The following NEK9 variants were observed in gnomAD, a reference collection of about 807,000 sequenced individuals.
NEK9 encodes NIMA related kinase 9, also known as serine/threonine-protein kinase Nek9.
NEK9 carries 75 observed loss-of-function variants against 123.4 expected under a neutral mutation model. The observed-to-expected ratio is 0.61, with a 90% confidence interval of 0.50 to 0.74. NEK9 has a LOEUF of 0.74. Ranked by LOEUF, NEK9 falls within the 30% of genes least tolerant of loss-of-function variation. The pLI, the probability that NEK9 is intolerant of heterozygous loss-of-function variation, is 0.00. For synonymous variants in NEK9, 438 were observed against 458.7 expected, an observed-to-expected ratio of 0.95 and a Z score of 0.58; for missense variants, 952 against 1,214.4, an observed-to-expected ratio of 0.78 and a Z score of 3.21.
intron 6 of NEK9, among the ~76,000 whole-genome samples, chr14:75,115,557 A>G (rs1895113617): frequency 6.6e-6 from 1 of 152,254 alleles, no homozygotes; most frequent in Non-Finnish European, 1.5e-5. Context: ...TGCATTTTTC[A>G]TATACATTAT....
At chr14:75,093,945 T>C (rs755438569) in intron 18 of NEK9, among the ~76,000 whole-genome samples, 22 of 152,170 alleles carry the variant, frequency 1.4e-4, no homozygotes, top group Non-Finnish European at 1.9e-4. Flanking sequence ...GTAGATAAAA[T>C]TGATAAATAA....
chr14:75,095,634 C>T (rs1894357481), intron 17 of NEK9, among the ~76,000 whole-genome samples: 1 of 152,202 alleles, frequency 6.6e-6, no homozygotes, highest in Non-Finnish European at 1.5e-5. Flanking sequence ...CAACTGTCTG[C>T]CTTGGCTGGT....
intron 10 of NEK9, among the ~76,000 whole-genome samples, chr14:75,109,288 T>C (rs1894882700): frequency 6.6e-6 from 1 of 152,214 alleles, no homozygotes; most frequent in Admixed American, 6.5e-5. Context: ...TTCAGGGGTT[T>C]CCTGACATGG....
intron 1 of NEK9, 45 bp downstream of exon 1, chr14:75,126,658 G>A (rs1472223726): frequency 7.4e-7 from 1 of 1,355,686 alleles, no homozygotes; most frequent in Non-Finnish European, 9.6e-7. Flanking sequence ...GACTCGGGGC[G>A]ACCCGACAGC....
chr14:75,126,980 T>C lies in NEK9; in HGVS notation c.-59A>G. ...GTATGCCCGGAGGCCCTGGCCGCGC[T>C]GCGTCCCGCTCGCTTCAGATGCCGG... On this transcript the variant is annotated 5_prime_UTR_variant, in exon 1 of 22. Coordinates refer to ENST00000238616, the MANE Select transcript of NEK9 (RefSeq NM_033116.6). The C allele has an allele frequency of 7.5e-7, 1 of 1,341,166 alleles. No homozygotes were observed. The highest frequency in any genetic ancestry group is 9.8e-7 in the Non-Finnish European group (1 of 1,023,214). The allele number at this position is 1,341,166 out of a possible 1,614,324, so 83.1% of individuals were successfully genotyped here. A position where few individuals can be genotyped will look rare whatever the true frequency, so the allele number is the denominator to read the frequency against.
chr14:75,114,700 T>C (rs956367489), intron 6 of NEK9, among the ~76,000 whole-genome samples: 11 of 152,172 alleles, frequency 7.2e-5, no homozygotes, highest in African/African-American at 2.4e-4. Flanking sequence ...GGCAATACTC[T>C]GCTGCAACAG....
At chr14:75,111,816 G>A (rs1388911386) in intron 8 of NEK9, among the ~76,000 whole-genome samples, 1 of 152,130 alleles carries the variant, frequency 6.6e-6, no homozygotes, top group Non-Finnish European at 1.5e-5. Context: ...GCTTAAACCT[G>A]GCAGGTGGAG....
chr14:75,090,492 T>C (rs186526814), intron 19 of NEK9, among the ~76,000 whole-genome samples: 152 of 152,228 alleles, frequency 1.0e-3, no homozygotes, highest in African/African-American at 3.3e-3. Context: ...ATCATACAGA[T>C]ATATCATCCT....
intron 15 of NEK9, 27 bp from the exon 16 acceptor site, chr14:75,101,180 A>C: frequency 6.2e-7 from 1 of 1,604,680 alleles, no homozygotes; most frequent in Non-Finnish European, 8.5e-7. Context: ...AAGAAATAAC[A>C]AGGCACAAAT....
rs1170844315 is a variant in NEK9, at chr14:75,081,457, T to C, written c.*3107A>G. 1 of 152,194 alleles carries C rather than the reference T, an allele frequency of 6.6e-6. No individual in the cohort carries two copies. Among genetic ancestry groups the C allele is most frequent in the Non-Finnish European group, 1.5e-5 (1 of 68,022 alleles). The allele number at this position is 152,194 out of a possible 1,614,324, so 9.4% of individuals were successfully genotyped here. A position where few individuals can be genotyped will look rare whatever the true frequency, so the allele number is the denominator to read the frequency against. On this transcript the variant is annotated 3_prime_UTR_variant, in exon 22 of 22. Transcript: ENST00000238616. This position sits in a 1 kb window ranked among gnomAD's most constrained non-coding sequence, Gnocchi z 4.2. The stretch of plus-strand genomic sequence containing the variant: ...AGTTAATCATTGAAACAATAAATGA[T>C]TTTTGGCTTTGCAGCAGTTAGGAAC...
rs1894056034 is a variant in NEK9 at position 75,087,197 on chromosome 14, C to T, written c.2638G>A (p.Gly880Arg). Residue 880 changes from glycine to arginine, a missense_variant, in exon 21 of 22, where the codon GGG (glycine) becomes AGG (arginine). By Grantham distance (125) the Gly-to-Arg change is moderately radical. This residue lies in a region of NEK9 where 698 missense variants were observed against 875.6 expected (regional missense o/e 0.80). Transcript: ENST00000238616. ...PRLNPAVTCA[G>R]KGTPLTPPAC... ...GGAGGAGTCAGTGGTGTTCCCTTCC[C>T]AGCACAGGTTACTGCAGGATTCAGC... The T allele has an allele frequency of 6.2e-7, 1 of 1,613,970 alleles. No individual in the cohort carries two copies. Among genetic ancestry groups the T allele is most frequent in the Non-Finnish European group, 8.5e-7 (1 of 1,179,872 alleles).
At chr14:75,090,892 A>G (rs1894193961) in intron 19 of NEK9, among the ~76,000 whole-genome samples, 1 of 152,180 alleles carries the variant, frequency 6.6e-6, no homozygotes, top group Non-Finnish European at 1.5e-5. Flanking sequence ...TACTTTCTGT[A>G]TCTCAACTTT....
Position 75,126,856 on chromosome 14 carries a change from G to A in NEK9, c.66C>T (p.Ser22=), listed in dbSNP as rs1307901608. The A allele has an allele frequency of 3.9e-6, 6 of 1,530,354 alleles. No individual in the cohort carries two copies. The highest frequency in any genetic ancestry group is 4.4e-6 in the Non-Finnish European group (5 of 1,139,040). The allele number at this position is 1,530,354 out of a possible 1,614,324, so 94.8% of individuals were successfully genotyped here. A position where few individuals can be genotyped will look rare whatever the true frequency, so the allele number is the denominator to read the frequency against. The change falls in exon 1 of 22, where the codon TCC becomes TCT. Residue 22 remains serine (S), a synonymous_variant. Transcript: ENST00000238616. The part of the protein sequence containing the change: ...DSINSDFGSE[S]GGCGDSSPGP... ...CCGGACTCGAGTCCCCGCAACCCCC[G>A]GACTCGCTCCCAAAGTCCGAGTTGA...
In NEK9 at chr14:75,087,247, G is replaced by T; in HGVS notation, c.2605-17C>A. 9 of 1,583,544 alleles carry T rather than the reference G, an allele frequency of 5.7e-6. No homozygotes were observed. The highest frequency in any genetic ancestry group is 7.8e-6 in the Non-Finnish European group (9 of 1,156,510). Reference sequence around the variant, plus strand: ...CCGAGGTGACTAGAGAGACAAGAAGGAGATTGCAGGAGGTTCTGCCCAGGT... The same window carrying T: ...CCGAGGTGACTAGAGAGACAAGAAGTAGATTGCAGGAGGTTCTGCCCAGGT... On this transcript the variant is annotated splice_polypyrimidine_tract_variant and intron_variant, in intron 20 of 21. Coordinates refer to ENST00000238616, the MANE Select transcript of NEK9 (RefSeq NM_033116.6).
intron 19 of NEK9, 58 bp from the exon 20 acceptor site, chr14:75,088,699 T>C: frequency 6.6e-7 from 1 of 1,521,486 alleles, no homozygotes; most frequent in South Asian, 1.2e-5. Flanking sequence ...TCCTCCCAAA[T>C]TCCCTTCTTT....
chr14:75,103,795 T>C, intron 14 of NEK9, 47 bp downstream of exon 14: 1 of 1,556,576 alleles, frequency 6.4e-7, no homozygotes, highest in Non-Finnish European at 8.7e-7. Flanking sequence ...AATTCCAACC[T>C]AGAGAAATTC....
chr14:75,087,236 G>A lies in NEK9; in HGVS notation c.2605-6C>T. Reference sequence around the variant, plus strand: ...GCAGGATTCAGCCGAGGTGACTAGAGAGACAAGAAGGAGATTGCAGGAGGT... The same window carrying A: ...GCAGGATTCAGCCGAGGTGACTAGAAAGACAAGAAGGAGATTGCAGGAGGT... On this transcript the variant is annotated splice_region_variant and splice_polypyrimidine_tract_variant and intron_variant, in intron 20 of 21. Transcript: ENST00000238616. 6.2e-7 allele frequency: 1 copy of A among 1,600,782 alleles called. No individual in the cohort carries two copies. The highest frequency in any genetic ancestry group is 8.6e-7 in the Non-Finnish European group (1 of 1,169,332).
chr14:75,121,778 G>T (rs1895344667), intron 2 of NEK9, among the ~76,000 whole-genome samples: 1 of 152,226 alleles, frequency 6.6e-6, no homozygotes, highest in Non-Finnish European at 1.5e-5. Context: ...CTGAGCGTGG[G>T]AGGATCGCCT....
At chr14:75,092,519 G>A (rs1340469197) in intron 18 of NEK9, among the ~76,000 whole-genome samples, 4 of 152,032 alleles carry the variant, frequency 2.6e-5, no homozygotes, top group African/African-American at 4.8e-5. Flanking sequence ...CACCCGCCTC[G>A]GCCTCCCAAA....
Sources: gnomAD v4.1 joint callset for allele counts (sites outside exome capture counted in the v4.1 genomes callset) on GRCh38, gnomAD v4.1.1 for gene constraint, gnomAD v4.1.1 regional missense constraint, Gnocchi (gnomAD v3.1) non-coding constraint, MANE v1.5 for transcripts, NCBI Gene and HGNC (gene_info 2026-07-23, HGNC 2026-07-21) for gene names.